The following XYLB variants were observed in gnomAD, a reference collection of about 807,000 sequenced individuals.
XYLB encodes the protein xylulokinase.
XYLB carries 62 observed loss-of-function variants against 78.7 expected under a neutral mutation model. That is an observed-to-expected ratio of 0.79 (90% CI 0.64 to 0.97). XYLB has a LOEUF of 0.97. Among genes scored for constraint, XYLB ranks in the 50% least tolerant of loss-of-function variants. The pLI is 0.00. For missense variants in XYLB, 687 were observed against 676.8 expected (o/e 1.02, Z -0.17); for synonymous variants, 245 against 247.4 (o/e 0.99, Z 0.09).
intron 15 of XYLB, among the ~76,000 whole-genome samples, chr3:38,389,572 G>A (rs1387353693): frequency 6.7e-5 from 10 of 149,960 alleles, no homozygotes; most frequent in Admixed American, 3.3e-4. Context: ...CTGGCCGGGC[G>A]GGGGCTGACC....
At chr3:38,372,427 A>G in intron 9 of XYLB, 2 of 985,124 alleles carry the variant, frequency 2.0e-6, no homozygotes, top group Non-Finnish European at 2.4e-6. Flanking sequence ...AAATGACCTC[A>G]TGCTCGTGGT....
chr3:38,373,527 GC>G (rs1397083886), intron 10 of XYLB, among the ~76,000 whole-genome samples: 3 of 152,190 alleles, frequency 2.0e-5, no homozygotes, highest in African/African-American at 7.2e-5. Flanking sequence ...GTTGTCTAGA[GC>G]TCAGTTGTCC....
intron 8 of XYLB, among the ~76,000 whole-genome samples, chr3:38,368,618 A>T (rs139145186): frequency 1.9e-4 from 29 of 152,300 alleles, no homozygotes; most frequent in African/African-American, 7.0e-4. Flanking sequence ...CATCATGCAC[A>T]TGACTACAGG....
At chr3:38,409,044 G>C (rs1253522117) in intron 18 of XYLB, among the ~76,000 whole-genome samples, 2 of 152,178 alleles carry the variant, frequency 1.3e-5, no homozygotes, top group Non-Finnish European at 2.9e-5. Context: ...TATAAGGCCA[G>C]CAGCATCCTG....
chr3:38,366,387 G>A (rs531127686), intron 6 of XYLB, among the ~76,000 whole-genome samples: 39 of 152,274 alleles, frequency 2.6e-4, no homozygotes, highest in Admixed American at 1.0e-3. Flanking sequence ...CCTGATGTGG[G>A]AGAGGCCCTC....
At chr3:38,379,199 G>A (rs373139208) in intron 14 of XYLB, 47 bp from the exon 15 acceptor site, 2 of 1,581,566 alleles carry the variant, frequency 1.3e-6, no homozygotes, top group Non-Finnish European at 1.7e-6. Flanking sequence ...ACACACGAAT[G>A]GACAATGAGA....
At chr3:38,432,194 A>C in the XYLB span, among the ~76,000 whole-genome samples, 6 of 152,360 alleles carry the variant, frequency 3.9e-5, no homozygotes, top group Non-Finnish European at 7.3e-5. Context: ...TAATTTCAGC[A>C]TTAACCCAGA....
intron 18 of XYLB, among the ~76,000 whole-genome samples, chr3:38,407,998 A>G (rs1708401295): frequency 6.6e-6 from 1 of 152,158 alleles, no homozygotes; most frequent in Non-Finnish European, 1.5e-5. Flanking sequence ...TAACAAGGAT[A>G]CCCAGAAATT....
intron 2 of XYLB, among the ~76,000 whole-genome samples, chr3:38,355,362 C>G (rs1338457367): frequency 1.3e-5 from 2 of 152,200 alleles, no homozygotes; most frequent in African/African-American, 4.8e-5. Context: ...ATGAGTGAGC[C>G]CAGCTGAGCC....
At chr3:38,359,370 C>T (rs113743124) in intron 2 of XYLB, among the ~76,000 whole-genome samples, 2 of 152,234 alleles carry the variant, frequency 1.3e-5, no homozygotes, top group African/African-American at 4.8e-5. Flanking sequence ...GTGTGAGTGT[C>T]ATAGCCATCG....
Position 38,372,653 on chromosome 3 carries a change from A to G in XYLB, c.766-2A>G, listed in dbSNP as rs1171717749. 7.4e-6 allele frequency: 12 copies of G among 1,613,962 alleles called. No homozygotes were observed. Among genetic ancestry groups the G allele is most frequent in the South Asian group, 1.1e-5 (1 of 91,078 alleles). Reference sequence around the variant, plus strand: ...CACCTTTGCTTTGTCCCCGTCCCTCAGGGAGCCATTTCTTCCTACTACGTC... The same window carrying G: ...CACCTTTGCTTTGTCCCCGTCCCTCGGGGAGCCATTTCTTCCTACTACGTC... On this transcript the variant is annotated splice_acceptor_variant, in intron 9 of 18. Transcript: ENST00000207870. LOFTEE classifies it high-confidence loss of function.
At chr3:38,412,847 G>A (rs946827455) in intron 18 of XYLB, 89 bp from the exon 19 acceptor site, 13 of 1,131,410 alleles carry the variant, frequency 1.1e-5, no homozygotes, top group South Asian at 3.0e-5. Context: ...GCAAGTAAAC[G>A]GGATTTAAAA....
chr3:38,429,838 A>G, the XYLB span, among the ~76,000 whole-genome samples: 1 of 152,198 alleles, frequency 6.6e-6, no homozygotes, highest in African/African-American at 2.4e-5. Flanking sequence ...TAGTTTGCTC[A>G]GAATGATGGT....
At chr3:38,428,006 C>G in the XYLB span, among the ~76,000 whole-genome samples, 12 of 152,220 alleles carry the variant, frequency 7.9e-5, no homozygotes, top group African/African-American at 2.7e-4. Context: ...GCTTTAACTG[C>G]ATCCCGTAAA....
At chr3:38,409,076 A>C (rs2125673915) in intron 18 of XYLB, among the ~76,000 whole-genome samples, 1 of 152,366 alleles carries the variant, frequency 6.6e-6, no homozygotes, top group East Asian at 1.9e-4. Flanking sequence ...GGGCAGAGAC[A>C]GAAACAAAAA....
At chr3:38,431,666 A>C in the XYLB span, among the ~76,000 whole-genome samples, 1 of 152,222 alleles carries the variant, frequency 6.6e-6, no homozygotes, top group African/African-American at 2.4e-5. Context: ...TTGCACATTC[A>C]GTATGATATT....
chr3:38,365,652 C>T lies in XYLB; in HGVS notation c.423C>T (p.Ser141=). ...ISDCPVWMDS[S]TTAQCRQLEA... is the part of the protein sequence containing the mutation. Reference sequence around the variant, plus strand: ...ACTGCCCGGTGTGGATGGACTCCAGCACCACAGCCCAGTGCCGCCAGCTGG... The same window carrying T: ...ACTGCCCGGTGTGGATGGACTCCAGTACCACAGCCCAGTGCCGCCAGCTGG... The change falls in exon 6 of 19, where the codon AGC becomes AGT. Residue 141 remains serine, a synonymous_variant. Transcript: ENST00000207870. The T allele has an allele frequency of 6.2e-7, 1 of 1,613,952 alleles. No homozygotes were observed. The highest frequency in any genetic ancestry group is 8.5e-7 in the Non-Finnish European group (1 of 1,179,970).
intron 1 of XYLB, 124 bp downstream of exon 1, chr3:38,347,049 T>G: frequency 1.0e-6 from 1 of 989,420 alleles, no homozygotes. Flanking sequence ...CCTCTCGGGC[T>G]TCCCGGGGCC....
downstream of XYLB, among the ~76,000 whole-genome samples, chr3:38,419,108 A>G (rs1191670331): frequency 2.6e-5 from 4 of 152,156 alleles, no homozygotes; most frequent in African/African-American, 9.6e-5. Flanking sequence ...GGATTTGCCT[A>G]TTCTAGGTTT....
Sources: allele counts gnomAD v4.1 joint callset (sites outside exome capture counted in the v4.1 genomes callset), GRCh38; gene constraint gnomAD v4.1.1; transcripts MANE v1.5; gene names NCBI Gene and HGNC (gene_info 2026-07-23, HGNC 2026-07-21).